EXOC6: variants seen among roughly 807,000 people sequenced by gnomAD.
The protein encoded by EXOC6 is exocyst complex component 6, also known as SEC15-like 1.
EXOC6 carries 60 observed loss-of-function variants against 112.5 expected under a neutral mutation model. The observed-to-expected ratio is 0.53, with a 90% CI of 0.43 to 0.66. The LOEUF (loss-of-function observed/expected upper bound fraction) is 0.66, where lower values mean the gene tolerates loss of function less well. EXOC6 is among the 30% of genes least tolerant of loss of function. The pLI, the probability that EXOC6 is intolerant of heterozygous loss-of-function variation, is 0.00. For missense variants in EXOC6, 855 were observed against 957.1 expected, an observed-to-expected ratio of 0.89 and a Z score of 1.41; for synonymous variants, 295 against 308.0, an observed-to-expected ratio of 0.96 and a Z score of 0.44.
chr10:92,908,227 A>T (rs1012090712), intron 5 of EXOC6, among the ~76,000 whole-genome samples: 1 of 151,426 alleles, frequency 6.6e-6, no homozygotes, highest in Non-Finnish European at 1.5e-5. Flanking sequence ...ACTAATTTTT[A>T]TATTTTTAGT....
chr10:92,893,782 A>G (rs896440204), intron 2 of EXOC6, among the ~76,000 whole-genome samples: 1 of 152,188 alleles, frequency 6.6e-6, no homozygotes, highest in Admixed American at 6.5e-5. Flanking sequence ...CATGCATACA[A>G]TGAAAGGCCC....
intron 19 of EXOC6, among the ~76,000 whole-genome samples, chr10:92,999,642 A>G (rs1173953892): frequency 6.6e-6 from 1 of 151,956 alleles, no homozygotes; most frequent in Non-Finnish European, 1.5e-5. Context: ...CATAACTTTC[A>G]TTACAGTATA....
At chr10:92,985,284 T>C (rs1003568959) in intron 18 of EXOC6, among the ~76,000 whole-genome samples, 4 of 152,174 alleles carry the variant, frequency 2.6e-5, no homozygotes, top group African/African-American at 9.7e-5. Context: ...TTCTCATTTT[T>C]ATCCTCATTC....
chr10:92,834,656 G>A (rs139618792), upstream of EXOC6: 862 of 1,031,280 alleles, frequency 8.4e-4, 10 homozygotes, highest in African/African-American at 0.016. Flanking sequence ...TAAGGAAAAC[G>A]GTATTTTTTT....
chr10:92,836,750 G>A (rs192786580), intron 1 of EXOC6, among the ~76,000 whole-genome samples: 158 of 152,206 alleles, frequency 1.0e-3, no homozygotes, highest in Non-Finnish European at 1.4e-3. Context: ...ATATGTACGT[G>A]TGTCGCTGAT....
rs143731780 is a variant in EXOC6 at position 92,913,752 on chromosome 10, G to T, written c.664-2006G>T. 3.2e-3 allele frequency among the ~76,000 whole-genome samples: 493 copies of T among 152,178 alleles called. 3 individuals carry two copies. The highest frequency in any genetic ancestry group is 0.011 in the African/African-American group (472 of 41,528). On this transcript the variant is annotated intron_variant, in intron 6 of 21. Transcript: ENST00000260762. ...TTTTTTATGTTCTTAACTAGACTGTGAATTTTTTAAGTGGAGGATTTTGCC... is the reference window on the plus strand; with the variant it reads ...TTTTTTATGTTCTTAACTAGACTGTTAATTTTTTAAGTGGAGGATTTTGCC...
chr10:93,023,167 T>G (rs116704333), intron 20 of EXOC6, among the ~76,000 whole-genome samples: 2,385 of 152,210 alleles, frequency 0.016, 51 homozygotes, highest in African/African-American at 0.055. Flanking sequence ...TATGAAAGAT[T>G]AGGAAGTAGG....
intron 1 of EXOC6, among the ~76,000 whole-genome samples, chr10:92,860,562 T>G (rs2057729434): frequency 6.6e-6 from 1 of 152,146 alleles, no homozygotes; most frequent in Admixed American, 6.6e-5. Context: ...CGCCTGGCTC[T>G]CCACAACTGT....
chr10:93,021,385 T>C (rs571524201), intron 20 of EXOC6, among the ~76,000 whole-genome samples: 188 of 152,274 alleles, frequency 1.2e-3, no homozygotes, highest in African/African-American at 4.2e-3. Flanking sequence ...GAAAAATCAC[T>C]CTGCGATTCT....
chr10:92,948,125 G>A, intron 13 of EXOC6, 149 bp from the exon 14 acceptor site: 1 of 508,150 alleles, frequency 2.0e-6, no homozygotes, highest in South Asian at 3.6e-5. Flanking sequence ...TTAGAATTCT[G>A]GATGCTTAGG....
In EXOC6 at chr10:92,860,234, G is replaced by A. The variant is rs1436060557; in HGVS notation, c.101+11600G>A. The stretch of plus-strand genomic sequence containing the variant: ...TTTGGCATTAAGTACAATTTACATT[G>A]TTCTGCCACCATTATCATCTATCTC... On this transcript the variant is annotated intron_variant, in intron 1 of 21. Transcript: ENST00000260762. Among the ~76,000 whole-genome samples, 4 of 133,464 alleles carry A rather than the reference G, an allele frequency of 3.0e-5. 1 individual carries two copies. The East Asian group carries it at 6.8e-4, about 23-fold the overall frequency. 87.6% of individuals were successfully genotyped at this position (133,464 alleles called of 152,430 possible).
chr10:92,925,236 G>C (rs1164306639), intron 8 of EXOC6, among the ~76,000 whole-genome samples: 1 of 152,090 alleles, frequency 6.6e-6, no homozygotes, highest in Non-Finnish European at 1.5e-5. Context: ...TTTTAAGGGT[G>C]TGAATGCACA....
chr10:92,975,268 G>A (rs1842473759), intron 18 of EXOC6, among the ~76,000 whole-genome samples: 1 of 151,586 alleles, frequency 6.6e-6, no homozygotes, highest in Non-Finnish European at 1.5e-5. Context: ...ACCCCGTCTG[G>A]GAGGTGAGGA....
At chr10:92,951,742 TG>T (rs1853430031) in intron 14 of EXOC6, among the ~76,000 whole-genome samples, 1 of 152,198 alleles carries the variant, frequency 6.6e-6, no homozygotes. Flanking sequence ...AGCCATTGGC[TG>T]CATACCAGTG....
At chr10:92,947,142 A>G (rs183715628) in intron 13 of EXOC6, among the ~76,000 whole-genome samples, 9 of 152,364 alleles carry the variant, frequency 5.9e-5, no homozygotes, top group Admixed American at 2.0e-4. Flanking sequence ...AGGACAGCCT[A>G]GGTTATGCTA....
Position 92,915,739 on chromosome 10 carries a change from TTC to T in EXOC6, c.664-11_664-10del. 1 of 1,489,838 alleles carries T rather than the reference TTC, an allele frequency of 6.7e-7. No individual in the cohort carries two copies. The highest frequency in any genetic ancestry group is 1.4e-5 in the South Asian group (1 of 69,368). The allele number at this position is 1,489,838 out of a possible 1,614,324, so 92.3% of individuals were successfully genotyped here. On this transcript the variant is annotated splice_polypyrimidine_tract_variant and intron_variant, in intron 6 of 21. Transcript: ENST00000260762. Reference sequence around the variant, plus strand: ...TAATCAGTTTTGAAATAATCTGAATTTCTCTCTCTTCAAAATAGGCACAGCAT... The same window carrying T: ...TAATCAGTTTTGAAATAATCTGAATTTCTCTCTTCAAAATAGGCACAGCAT...
intron 9 of EXOC6, among the ~76,000 whole-genome samples, chr10:92,929,580 A>G (rs1295393584): frequency 6.6e-6 from 1 of 152,264 alleles, no homozygotes; most frequent in Non-Finnish European, 1.5e-5. Flanking sequence ...TAATAGTGCT[A>G]CTTAGTATAT....
upstream of EXOC6, among the ~76,000 whole-genome samples, chr10:92,843,852 G>T (rs1846947674): frequency 6.6e-6 from 1 of 152,068 alleles, no homozygotes; most frequent in Non-Finnish European, 1.5e-5. Context: ...GCCGGGCGTG[G>T]TGGCTGGCAC....
intron 1 of EXOC6, among the ~76,000 whole-genome samples, chr10:92,862,203 T>G (rs562222037): frequency 2.0e-5 from 3 of 152,230 alleles, no homozygotes; most frequent in African/African-American, 7.2e-5. Flanking sequence ...TGATTTTACC[T>G]ATTTTGGATA....
Sources: gnomAD v4.1 joint callset for allele counts (sites outside exome capture counted in the v4.1 genomes callset) on GRCh38, gnomAD v4.1.1 for gene constraint, MANE v1.5 for transcripts, NCBI Gene and HGNC (gene_info 2026-07-23, HGNC 2026-07-21) for gene names.